Variants in PODXL2 observed in about 807,000 individuals in gnomAD.
PODXL2 encodes the protein podocalyxin like 2.
In PODXL2, 17 loss-of-function variants were observed where a neutral mutation model predicts 53.4. The ratio of observed to expected loss-of-function variants is 0.32; its 90% confidence interval spans 0.22 to 0.48. The LOEUF is 0.48. Ranked by LOEUF, PODXL2 falls within the 20% of genes least tolerant of loss-of-function variation. The pLI, the probability that PODXL2 is intolerant of heterozygous loss-of-function variation, is 0.99. For synonymous variants in PODXL2, 311 were observed against 306.7 expected, an observed-to-expected ratio of 1.01 and a Z score of -0.15; for missense variants, 673 against 760.0, an observed-to-expected ratio of 0.89 and a Z score of 1.35.
At chr3:127,671,367 A>C in intron 6 of PODXL2, 67 bp from the exon 7 acceptor site, 1 of 1,466,866 alleles carries the variant, frequency 6.8e-7, no homozygotes, top group Non-Finnish European at 9.5e-7. Flanking sequence ...AGCCCAATGC[A>C]ACCACCCCAG....
At chr3:127,658,892 A>G (rs181177917) in intron 2 of PODXL2, among the ~76,000 whole-genome samples, 1 of 151,948 alleles carries the variant, frequency 6.6e-6, no homozygotes, top group East Asian at 1.9e-4. Flanking sequence ...CAGAAATCAT[A>G]TTAGCTAGGT....
chr3:127,642,292 A>G (rs113451672), intron 2 of PODXL2, among the ~76,000 whole-genome samples: 8 of 128,078 alleles, frequency 6.2e-5, no homozygotes, highest in African/African-American at 2.1e-4. Flanking sequence ...TCCATCTCAG[A>G]AAAAAAAAAA....
rs34716022 is a variant in PODXL2, at chr3:127,668,545, C to T, written c.1311C>T (p.Ser437=). 15,400 of 1,579,106 alleles carry T rather than the reference C, an allele frequency of 9.8e-3. 1,210 individuals carry two copies. The African/African-American group carries it at 0.18, about 18-fold the overall frequency. ...ATGGGGCCTGGCACATCTCTCTGAGCAAGCCCAGCGAGAAGGAGCAGCACC... is the reference window on the plus strand; with the variant it reads ...ATGGGGCCTGGCACATCTCTCTGAGTAAGCCCAGCGAGAAGGAGCAGCACC... ...GHHGAWHISL[S]KPSEKEQHLL... is the part of the protein sequence containing the mutation. Residue 437 remains serine, a synonymous_variant, in exon 5 of 8, where the codon AGC becomes AGT. Transcript: ENST00000342480.
intron 2 of PODXL2, among the ~76,000 whole-genome samples, chr3:127,644,453 G>A (rs1341726281): frequency 6.6e-6 from 1 of 152,140 alleles, no homozygotes; most frequent in Non-Finnish European, 1.5e-5. Flanking sequence ...CAATTATTGG[G>A]TCTTTTTCTG....
At chr3:127,644,105 G>A (rs778343027) in intron 2 of PODXL2, among the ~76,000 whole-genome samples, 1 of 151,930 alleles carries the variant, frequency 6.6e-6, no homozygotes, top group Non-Finnish European at 1.5e-5. Flanking sequence ...TTAAAGAAAT[G>A]ATATTTTGTT....
chr3:127,672,462 G>A lies in PODXL2; in HGVS notation c.1800G>A (p.Glu600=). 2.0e-6 allele frequency: 3 copies of A among 1,529,178 alleles called. No homozygotes were observed. The highest frequency in any genetic ancestry group is 2.6e-6 in the Non-Finnish European group (3 of 1,140,432). The allele number at this position is 1,529,178 out of a possible 1,614,324, so 94.7% of individuals were successfully genotyped here. A position where few individuals can be genotyped will look rare whatever the true frequency, so the allele number is the denominator to read the frequency against. ...ACCCCGAGGACTCGGACGTGTTCGA[G>A]GAGGACACGCACCTGTGAGCGCAGC... ...KRDPEDSDVF[E]EDTHL Residue 600 remains glutamate (E), a synonymous_variant, in exon 8 of 8, where the codon GAG becomes GAA. Transcript: ENST00000342480.
intron 6 of PODXL2, 50 bp from the exon 7 acceptor site, chr3:127,671,384 C>A (rs2074835779): frequency 6.4e-7 from 1 of 1,573,322 alleles, no homozygotes; most frequent in Non-Finnish European, 8.7e-7. Flanking sequence ...CCAGAGGAGC[C>A]ATGGCACCCC....
chr3:127,655,220 C>T (rs1228397569), intron 2 of PODXL2, among the ~76,000 whole-genome samples: 1 of 151,990 alleles, frequency 6.6e-6, no homozygotes, highest in Admixed American at 6.6e-5. Context: ...ACTGGGATTA[C>T]AGGCATGAGT....
At chr3:127,649,970 G>A (rs1246465097) in intron 2 of PODXL2, among the ~76,000 whole-genome samples, 2 of 152,190 alleles carry the variant, frequency 1.3e-5, no homozygotes, top group African/African-American at 4.8e-5. Flanking sequence ...ATACTAAAAC[G>A]TCTTCCCTTG....
chr3:127,657,707 G>T lies in PODXL2; in HGVS notation c.350-2671G>T, dbSNP rs184760789. 1.5e-3 allele frequency among the ~76,000 whole-genome samples: 221 copies of T among 152,210 alleles called. 1 individual carries two copies. The highest frequency in any genetic ancestry group is 3.1e-3 in the Admixed American group (48 of 15,284). On this transcript the variant is annotated intron_variant, in intron 2 of 7. Transcript: ENST00000342480. ...ATGCTTGTAAGTGATTTCATATATT[G>T]TATTTCCTAGGCACCCATCTGACTC...
intron 7 of PODXL2, among the ~76,000 whole-genome samples, chr3:127,671,850 C>T (rs1347280815): frequency 6.6e-6 from 1 of 152,228 alleles, no homozygotes; most frequent in Non-Finnish European, 1.5e-5. Context: ...TCCCTGGCAC[C>T]ACCAGCCCCT....
At chr3:127,640,115 G>A (rs976681357) in intron 2 of PODXL2, among the ~76,000 whole-genome samples, 3 of 152,166 alleles carry the variant, frequency 2.0e-5, no homozygotes, top group Admixed American at 2.0e-4. Flanking sequence ...TTTGGGTCCC[G>A]AAGAAAGCCC....
intron 2 of PODXL2, among the ~76,000 whole-genome samples, chr3:127,641,657 G>C (rs890201458): frequency 2.0e-5 from 3 of 151,512 alleles, no homozygotes; most frequent in Admixed American, 2.0e-4. Context: ...GGGATCATAG[G>C]CATGTGCCAC....
intron 7 of PODXL2, 123 bp from the exon 8 acceptor site, chr3:127,672,145 G>A: frequency 1.5e-6 from 1 of 672,320 alleles, no homozygotes; most frequent in East Asian, 2.8e-5. Flanking sequence ...CAGAAAAGAA[G>A]GATCTGGCAC....
intron 1 of PODXL2, among the ~76,000 whole-genome samples, chr3:127,638,213 GA>G (rs1476862875): frequency 6.6e-6 from 1 of 152,186 alleles, no homozygotes; most frequent in African/African-American, 2.4e-5. Context: ...GTTAAGTTGT[GA>G]AACTGGCAAA....
intron 1 of PODXL2, among the ~76,000 whole-genome samples, chr3:127,632,486 G>T (rs2074553453): frequency 6.6e-6 from 1 of 152,254 alleles, no homozygotes; most frequent in Non-Finnish European, 1.5e-5. Flanking sequence ...TGCAGATACA[G>T]ATCTCCAGTT....
At chr3:127,645,651 C>T (rs539569639) in intron 2 of PODXL2, among the ~76,000 whole-genome samples, 5 of 152,350 alleles carry the variant, frequency 3.3e-5, no homozygotes, top group African/African-American at 4.8e-5. Flanking sequence ...GGCAGTGGCC[C>T]TGAAATCAGG....
chr3:127,631,347 G>A (rs566674064), intron 1 of PODXL2, among the ~76,000 whole-genome samples: 1 of 152,272 alleles, frequency 6.6e-6, no homozygotes, highest in East Asian at 1.9e-4. Context: ...GTTTTGCACC[G>A]GGAGCAGATC....
intron 1 of PODXL2, among the ~76,000 whole-genome samples, chr3:127,635,619 T>G (rs1014630181): frequency 1.3e-5 from 2 of 152,216 alleles, no homozygotes; most frequent in Admixed American, 1.3e-4. Context: ...ATCTGATCCC[T>G]GGACAGAAGC....
Sources: gnomAD v4.1 joint callset for allele counts (sites outside exome capture counted in the v4.1 genomes callset) on GRCh38, gnomAD v4.1.1 for gene constraint, MANE v1.5 for transcripts, NCBI Gene and HGNC (gene_info 2026-07-23, HGNC 2026-07-21) for gene names.